The following NOPCHAP1 variants were observed in gnomAD, a reference collection of about 807,000 sequenced individuals.
The protein encoded by NOPCHAP1 is DNA damage-sensitive RNA 1.
NOPCHAP1 carries 13 observed loss-of-function variants against 14.0 expected under a neutral mutation model. The ratio of observed to expected loss-of-function variants is 0.93; its 90% CI spans 0.60 to 1.47. NOPCHAP1 has a LOEUF of 1.47. Ranked by LOEUF, NOPCHAP1 falls within the 40% of genes most tolerant of loss-of-function variation. The pLI is 0.00. For synonymous variants in NOPCHAP1, 78 were observed against 78.4 expected (o/e 1.00, Z 0.03); for missense variants, 230 against 226.9 (o/e 1.01, Z -0.09).
rs961753250 is a variant in NOPCHAP1, at chr12:104,994,826, T to C, written c.*130T>C. On this transcript the variant is annotated 3_prime_UTR_variant, in exon 4 of 4. Transcript: ENST00000552951. ...TTATATGTTAAAAACTTTAGACAAG[T>C]TAAATTTGACAGAGTTTCTTTGGGC... 3 of 797,848 alleles carry C rather than the reference T, an allele frequency of 3.8e-6. No individual in the cohort carries two copies. Among genetic ancestry groups the C allele is most frequent in the Non-Finnish European group, 6.0e-6 (3 of 496,176 alleles). 49.4% of individuals were successfully genotyped at this position (797,848 alleles called of 1,614,324 possible). A position where few individuals can be genotyped will look rare whatever the true frequency, so the allele number is the denominator to read the frequency against.
At chr12:104,986,927 G>A (rs1325275910) in intron 1 of NOPCHAP1, among the ~76,000 whole-genome samples, 1 of 152,186 alleles carries the variant, frequency 6.6e-6, no homozygotes, top group Admixed American at 6.5e-5. Context: ...CTTGTAGAGG[G>A]AGACATGCAT....
In NOPCHAP1 at chr12:105,010,975, G is replaced by A. The variant is rs948791487; in HGVS notation, c.*16279G>A. The A allele has an allele frequency of 6.6e-6, 1 of 152,224 alleles. No homozygotes were observed. The highest frequency in any genetic ancestry group is 2.4e-5 in the African/African-American group (1 of 41,448). 9.4% of individuals were successfully genotyped at this position (152,224 alleles called of 1,614,324 possible). On this transcript the variant is annotated 3_prime_UTR_variant, in exon 4 of 4. Transcript: ENST00000552951. Reference sequence around the variant, plus strand: ...CTGTTGATTTGGAGTGGAGAGTTCTGTAGATGTCTATTAAGCACACTTGGT... The same window carrying A: ...CTGTTGATTTGGAGTGGAGAGTTCTATAGATGTCTATTAAGCACACTTGGT...
rs1199076214 is a variant in NOPCHAP1, at chr12:105,012,271, T to C, written c.*17575T>C. 2 of 152,214 alleles carry C rather than the reference T, an allele frequency of 1.3e-5. No homozygotes were observed. The highest frequency in any genetic ancestry group is 2.4e-5 in the African/African-American group (1 of 41,452). 9.4% of individuals were successfully genotyped at this position (152,214 alleles called of 1,614,324 possible). A position where few individuals can be genotyped will look rare whatever the true frequency, so the allele number is the denominator to read the frequency against. ...CTCTGATATCCTTTCTCCCACTTGA[T>C]CGATTAGGCCATTGATACTTGTGTA... On this transcript the variant is annotated 3_prime_UTR_variant, in exon 4 of 4. Transcript: ENST00000552951.
rs1301071986 is a variant in NOPCHAP1 at position 105,008,152 on chromosome 12, C to T, written c.*13456C>T. The T allele has an allele frequency of 6.6e-6, 1 of 152,210 alleles. No individual in the cohort carries two copies. Among genetic ancestry groups the T allele is most frequent in the Non-Finnish European group, 1.5e-5 (1 of 68,038 alleles). The allele number at this position is 152,210 out of a possible 1,614,324, so 9.4% of individuals were successfully genotyped here. On this transcript the variant is annotated 3_prime_UTR_variant, in exon 4 of 4. Coordinates refer to ENST00000552951, the MANE Select transcript of NOPCHAP1 (RefSeq NM_152318.3). ...GTGTTCCTGTTTCTCCACATCCCCT[C>T]CAGCATCTGTTGTTTCCTGACTTTT...
chr12:104,994,634 T>C lies in NOPCHAP1; in HGVS notation c.496T>C (p.Ser166Pro), dbSNP rs1302246468. Residue 166 changes from serine to proline, a missense_variant, in exon 4 of 4, where the codon TCT becomes CCT. Ser to Pro is a moderately conservative substitution (Grantham distance 74, BLOSUM62 -1). Transcript: ENST00000552951. Reference protein sequence around the residue: ...VTIDNIKLPNSEGGKGKIEVL... With the variant: ...VTIDNIKLPNPEGGKGKIEVL... ...CATAGATAACATTAAGCTTCCCAAT[T>C]CTGAAGGTGGAAAAGGCAAGATTGA... The C allele has an allele frequency of 6.2e-7, 1 of 1,613,738 alleles. No individual in the cohort carries two copies. Among genetic ancestry groups the C allele is most frequent in the South Asian group, 1.1e-5 (1 of 90,934 alleles).
At position 105,012,760 on chromosome 12, in the gene NOPCHAP1, G is replaced by T. The variant is rs1873858492; in HGVS notation, c.*18064G>T. The T allele has an allele frequency of 6.5e-6, 1 of 152,874 alleles. No homozygotes were observed. The highest frequency in any genetic ancestry group is 6.5e-5 in the Admixed American group (1 of 15,292). The allele number at this position is 152,874 out of a possible 1,614,324, so 9.5% of individuals were successfully genotyped here. ...AGGCCCCTCTGCTGCAGGTCTGCTG[G>T]AGTTTGCTGGAGGTCCACTCCAGAC... On this transcript the variant is annotated 3_prime_UTR_variant, in exon 4 of 4. Transcript: ENST00000552951.
intron 3 of NOPCHAP1, among the ~76,000 whole-genome samples, chr12:104,993,298 T>C (rs894455598): frequency 1.5e-4 from 23 of 152,282 alleles, no homozygotes; most frequent in Admixed American, 6.5e-4. Flanking sequence ...TGAACTCTGC[T>C]GTCATAGTGT....
At position 105,017,029 on chromosome 12, in the gene NOPCHAP1, C is replaced by G. The variant is rs1259768807; in HGVS notation, c.*22333C>G. ...GTACCGTCTTTCTATGGCTCTGTGA[C>G]AGTTACAGATCCGAAAATTAGGTGT... is the stretch of plus-strand genomic sequence containing the variant. On this transcript the variant is annotated 3_prime_UTR_variant, in exon 4 of 4. Transcript: ENST00000552951. The G allele has an allele frequency of 1.3e-5, 2 of 152,170 alleles. No individual in the cohort carries two copies. Among genetic ancestry groups the G allele is most frequent in the Non-Finnish European group, 2.9e-5 (2 of 68,040 alleles). The allele number at this position is 152,170 out of a possible 1,614,324, so 9.4% of individuals were successfully genotyped here. A position where few individuals can be genotyped will look rare whatever the true frequency, so the allele number is the denominator to read the frequency against.
In NOPCHAP1 at chr12:105,000,090, A is replaced by G. The variant is rs534424831; in HGVS notation, c.*5394A>G. ...AGTGGAAAAGCACCTTACTATATTT[A>G]ATCCAATGACATTATACAAATAATC... On this transcript the variant is annotated 3_prime_UTR_variant, in exon 4 of 4. Coordinates refer to ENST00000552951, the MANE Select transcript of NOPCHAP1 (RefSeq NM_152318.3). The G allele has an allele frequency of 2.0e-5, 3 of 152,204 alleles. No individual in the cohort carries two copies. Among genetic ancestry groups the G allele is most frequent in the African/African-American group, 4.8e-5 (2 of 41,454 alleles). The allele number at this position is 152,204 out of a possible 1,614,324, so 9.4% of individuals were successfully genotyped here.
rs1219045368 is a variant in NOPCHAP1 at position 105,014,801 on chromosome 12, G to A, written c.*20105G>A. 1 of 152,150 alleles carries A rather than the reference G, an allele frequency of 6.6e-6. No homozygotes were observed. Among genetic ancestry groups the A allele is most frequent in the Non-Finnish European group, 1.5e-5 (1 of 68,042 alleles). 9.4% of individuals were successfully genotyped at this position (152,150 alleles called of 1,614,324 possible). On this transcript the variant is annotated 3_prime_UTR_variant, in exon 4 of 4. Coordinates refer to ENST00000552951, the MANE Select transcript of NOPCHAP1 (RefSeq NM_152318.3). ...TTTGGAGGGCATAGTACAAAGAAAG[G>A]CGACAGCTGGTTTTCCCTTCCAAAG...
intron 3 of NOPCHAP1, among the ~76,000 whole-genome samples, chr12:104,993,792 A>G (rs914395140): frequency 1.3e-5 from 2 of 152,170 alleles, no homozygotes; most frequent in African/African-American, 4.8e-5. Context: ...GTTGTAATTT[A>G]CTGGTCTCTG....
intron 3 of NOPCHAP1, among the ~76,000 whole-genome samples, chr12:104,992,768 A>G (rs192400466): frequency 1.3e-5 from 2 of 152,306 alleles, no homozygotes; most frequent in Non-Finnish European, 1.5e-5. Context: ...TGAACTGTGC[A>G]TGTAAGGGAT....
Position 104,994,696 on chromosome 12 carries a change from G to A in NOPCHAP1, c.558G>A (p.Ter186=), listed in dbSNP as rs756111844. ...GTCCAGCAAGTAAAAAAAAGAAATA[G>A]TCAAATAAATTATCTGAAAAGAAAC... The part of the protein sequence containing the change: ...LDSPASKKKK[*] The change falls in exon 4 of 4, where the codon TAG becomes TAA. Residue 186 remains the stop codon, a stop_retained_variant. Transcript: ENST00000552951. 1.3e-6 allele frequency: 2 copies of A among 1,597,578 alleles called. No individual in the cohort carries two copies. The highest frequency in any genetic ancestry group is 1.3e-5 in the African/African-American group (1 of 74,134).
In NOPCHAP1 at chr12:105,016,560, A is replaced by G. The variant is rs894733040; in HGVS notation, c.*21864A>G. On this transcript the variant is annotated 3_prime_UTR_variant, in exon 4 of 4. Transcript: ENST00000552951. ...ACATGGCTGAGGAGACCTCACAATC[A>G]TGGTAGAGGGTAAAGGGGTAGAAAG... 2.0e-5 allele frequency: 3 copies of G among 152,292 alleles called. No individual in the cohort carries two copies. The highest frequency in any genetic ancestry group is 4.8e-5 in the African/African-American group (2 of 41,450). The allele number at this position is 152,292 out of a possible 1,614,324, so 9.4% of individuals were successfully genotyped here.
In NOPCHAP1 at chr12:105,014,897, C is replaced by T. The variant is rs958305850; in HGVS notation, c.*20201C>T. Reference sequence around the variant, plus strand: ...GTTTTATTAAGTTTATTTGGGATCTCATCTGCCATGAGCCTGACTTTTGCT... The same window carrying T: ...GTTTTATTAAGTTTATTTGGGATCTTATCTGCCATGAGCCTGACTTTTGCT... On this transcript the variant is annotated 3_prime_UTR_variant, in exon 4 of 4. Coordinates refer to ENST00000552951, the MANE Select transcript of NOPCHAP1 (RefSeq NM_152318.3). The T allele has an allele frequency of 3.3e-5, 5 of 152,180 alleles. No individual in the cohort carries two copies. The highest frequency in any genetic ancestry group is 5.9e-5 in the Non-Finnish European group (4 of 68,032). The allele number at this position is 152,180 out of a possible 1,614,324, so 9.4% of individuals were successfully genotyped here. A position where few individuals can be genotyped will look rare whatever the true frequency, so the allele number is the denominator to read the frequency against.
rs1873764866 is a variant in NOPCHAP1, at chr12:105,009,129, T to C, written c.*14433T>C. On this transcript the variant is annotated 3_prime_UTR_variant, in exon 4 of 4. Coordinates refer to ENST00000552951, the MANE Select transcript of NOPCHAP1 (RefSeq NM_152318.3). Reference sequence around the variant, plus strand: ...CCTATCCATGAGCATGGAATGTTTTTCCATTTGTTTGTGTCCTCTCTGATT... The same window carrying C: ...CCTATCCATGAGCATGGAATGTTTTCCCATTTGTTTGTGTCCTCTCTGATT... 1 of 152,234 alleles carries C rather than the reference T, an allele frequency of 6.6e-6. No homozygotes were observed. The highest frequency in any genetic ancestry group is 1.5e-5 in the Non-Finnish European group (1 of 68,054). 9.4% of individuals were successfully genotyped at this position (152,234 alleles called of 1,614,324 possible).
Position 105,008,185 on chromosome 12 carries a change from C to T in NOPCHAP1, c.*13489C>T, listed in dbSNP as rs529539804. ...TGTTGTTTCCTGACTTTTTAATGATCGCCATTCTAACTGGTAACTCATTGT... is the reference window on the plus strand; with the variant it reads ...TGTTGTTTCCTGACTTTTTAATGATTGCCATTCTAACTGGTAACTCATTGT... On this transcript the variant is annotated 3_prime_UTR_variant, in exon 4 of 4. Coordinates refer to ENST00000552951, the MANE Select transcript of NOPCHAP1 (RefSeq NM_152318.3). 2 of 152,182 alleles carry T rather than the reference C, an allele frequency of 1.3e-5. No individual in the cohort carries two copies. The highest frequency in any genetic ancestry group is 6.5e-5 in the Admixed American group (1 of 15,274). The allele number at this position is 152,182 out of a possible 1,614,324, so 9.4% of individuals were successfully genotyped here.
chr12:105,005,979 C>T lies in NOPCHAP1; in HGVS notation c.*11283C>T, dbSNP rs2136031426. 1 of 152,458 alleles carries T rather than the reference C, an allele frequency of 6.6e-6. No homozygotes were observed. The highest frequency in any genetic ancestry group is 1.9e-4 in the East Asian group (1 of 5,192). 9.4% of individuals were successfully genotyped at this position (152,458 alleles called of 1,614,324 possible). ...TCTGGCACTGTGGCTCAGAAGCATT[C>T]ATCTCCATCAAGCTGTCTTCTGTTA... On this transcript the variant is annotated 3_prime_UTR_variant, in exon 4 of 4. Coordinates refer to ENST00000552951, the MANE Select transcript of NOPCHAP1 (RefSeq NM_152318.3).
chr12:104,986,575 C>T, intron 1 of NOPCHAP1, 108 bp downstream of exon 1: 1 of 917,556 alleles, frequency 1.1e-6, no homozygotes, highest in Non-Finnish European at 1.6e-6. Flanking sequence ...TCCGTACCCT[C>T]GAGGGGAGCC....
Sources: gnomAD v4.1 joint callset for allele counts (sites outside exome capture counted in the v4.1 genomes callset) on GRCh38, gnomAD v4.1.1 for gene constraint, MANE v1.5 for transcripts, NCBI Gene and HGNC (gene_info 2026-07-23, HGNC 2026-07-21) for gene names.